Variants in RBMS3 observed in about 807,000 individuals in gnomAD.
RBMS3 encodes RNA-binding motif, single-stranded-interacting protein 3.
RBMS3 carries 27 observed loss-of-function variants against 66.8 expected under a neutral mutation model. That is an observed-to-expected ratio of 0.40 (90% CI 0.30 to 0.56). The LOEUF is 0.56. RBMS3 is among the 20% of genes least tolerant of loss of function. The pLI is 0.40. For missense variants in RBMS3, 513 were observed against 549.5 expected (o/e 0.93, Z 0.66); for synonymous variants, 188 against 183.0 (o/e 1.03, Z -0.22).
intron 4 of RBMS3, among the ~76,000 whole-genome samples, chr3:29,603,547 A>G (rs1023183968): frequency 6.6e-6 from 1 of 151,964 alleles, no homozygotes; most frequent in African/African-American, 2.4e-5. Flanking sequence ...GCATCCACTG[A>G]CACTATATGA....
At chr3:29,742,511 T>C (rs1424896918) in intron 5 of RBMS3, among the ~76,000 whole-genome samples, 1 of 152,216 alleles carries the variant, frequency 6.6e-6, no homozygotes, top group Non-Finnish European at 1.5e-5. Context: ...TCTCCTGACT[T>C]CTGCCTGCTC....
chr3:29,616,880 A>T (rs566226062), intron 4 of RBMS3: 1 of 152,326 alleles, frequency 6.6e-6, no homozygotes, highest in African/African-American at 2.4e-5. Flanking sequence ...AAGCCAAAAA[A>T]CCTGGTTCCT....
At chr3:29,336,085 G>C (rs2035931426) in intron 1 of RBMS3, among the ~76,000 whole-genome samples, 1 of 152,084 alleles carries the variant, frequency 6.6e-6, no homozygotes, top group African/African-American at 2.4e-5. Flanking sequence ...CCTCCATCTG[G>C]AATGAATTCG....
chr3:29,575,123 A>G (rs753370770), intron 3 of RBMS3, among the ~76,000 whole-genome samples: 4 of 152,186 alleles, frequency 2.6e-5, no homozygotes, highest in African/African-American at 9.6e-5. Flanking sequence ...TTGCTCACTA[A>G]CATCTTCTTC....
intron 1 of RBMS3, among the ~76,000 whole-genome samples, chr3:29,326,985 C>T (rs1307663843): frequency 6.6e-6 from 1 of 152,122 alleles, no homozygotes; most frequent in Non-Finnish European, 1.5e-5. Context: ...CCGCACTGGC[C>T]TCCCAAAGTG....
chr3:29,602,151 C>T (rs2149118777), intron 4 of RBMS3, among the ~76,000 whole-genome samples: 1 of 152,120 alleles, frequency 6.6e-6, no homozygotes, highest in South Asian at 2.1e-4. Flanking sequence ...AGCATAATTG[C>T]ACGGTACACT....
intron 3 of RBMS3, among the ~76,000 whole-genome samples, chr3:29,538,451 C>G (rs895430290): frequency 1.3e-5 from 2 of 152,100 alleles, no homozygotes; most frequent in Non-Finnish European, 2.9e-5. Context: ...AAAAAGGATA[C>G]AAATAAGGAA....
chr3:29,528,557 T>G (rs9828791), intron 3 of RBMS3, among the ~76,000 whole-genome samples: 3,709 of 152,324 alleles, frequency 0.024, 151 homozygotes, highest in African/African-American at 0.084. Context: ...GCTCCTGACC[T>G]TAGGAATATT....
intron 1 of RBMS3, among the ~76,000 whole-genome samples, chr3:29,414,703 A>G (rs1332787751): frequency 6.6e-6 from 1 of 152,146 alleles, no homozygotes; most frequent in Non-Finnish European, 1.5e-5. Flanking sequence ...ATGCCAAATA[A>G]CTCAGGGAAA....
intron 13 of RBMS3, 27 bp downstream of exon 13, chr3:29,988,250 G>T: frequency 6.4e-7 from 1 of 1,557,504 alleles, no homozygotes. Context: ...CTAATAAAGA[G>T]GTTAGAAGAA....
intron 4 of RBMS3, among the ~76,000 whole-genome samples, chr3:29,619,566 T>C (rs935319324): frequency 4.6e-5 from 7 of 152,168 alleles, no homozygotes; most frequent in Non-Finnish European, 8.8e-5. Flanking sequence ...AGAAGCAATA[T>C]GCTCTCTGCT....
At chr3:29,636,476 G>A (rs2049478166) in intron 4 of RBMS3, among the ~76,000 whole-genome samples, 2 of 151,920 alleles carry the variant, frequency 1.3e-5, no homozygotes, top group Admixed American at 6.6e-5. Flanking sequence ...AACTATTCAG[G>A]TATGTGCGAG....
At chr3:29,573,052 T>C (rs1251866662) in intron 3 of RBMS3, among the ~76,000 whole-genome samples, 3 of 152,200 alleles carry the variant, frequency 2.0e-5, no homozygotes, top group Non-Finnish European at 2.9e-5. Flanking sequence ...TATTGGCATA[T>C]AGTTGCTCAC....
chr3:29,847,157 T>C (rs2058802120), intron 6 of RBMS3, among the ~76,000 whole-genome samples: 1 of 152,226 alleles, frequency 6.6e-6, no homozygotes, highest in Non-Finnish European at 1.5e-5. Flanking sequence ...TTTAGATTGA[T>C]GAATTAAGTG....
At chr3:29,978,360 A>T (rs1372667008) in intron 12 of RBMS3, among the ~76,000 whole-genome samples, 3 of 152,212 alleles carry the variant, frequency 2.0e-5, no homozygotes, top group Non-Finnish European at 4.4e-5. Flanking sequence ...CTTAAGGGAC[A>T]TAAAACTCCA....
chr3:29,782,162 C>A (rs1240259841), intron 6 of RBMS3, among the ~76,000 whole-genome samples: 2 of 152,078 alleles, frequency 1.3e-5, no homozygotes, highest in Non-Finnish European at 2.9e-5. Context: ...AAGTTTGTAT[C>A]CTTATAGGAC....
intron 3 of RBMS3, among the ~76,000 whole-genome samples, chr3:29,489,058 T>A (rs2043428899): frequency 6.6e-6 from 1 of 152,228 alleles, no homozygotes; most frequent in Non-Finnish European, 1.5e-5. Context: ...TGTTTCTTCA[T>A]GTCTGGGAGT....
At chr3:29,644,544 T>C (rs1431624067) in intron 4 of RBMS3, among the ~76,000 whole-genome samples, 1 of 152,166 alleles carries the variant, frequency 6.6e-6, no homozygotes, top group Non-Finnish European at 1.5e-5. Flanking sequence ...CTTGTTCTGT[T>C]TCTAATTATG....
intron 3 of RBMS3, among the ~76,000 whole-genome samples, chr3:29,497,354 T>G (rs934379940): frequency 1.3e-5 from 2 of 152,136 alleles, no homozygotes; most frequent in African/African-American, 4.8e-5. Flanking sequence ...TAAAACAGCT[T>G]AAAAATAAAA....
Sources: allele counts gnomAD v4.1 joint callset (sites outside exome capture counted in the v4.1 genomes callset), GRCh38; gene constraint gnomAD v4.1.1; transcripts MANE v1.5; gene names NCBI Gene and HGNC (gene_info 2026-07-23, HGNC 2026-07-21).